AHNAK: variants seen among roughly 807,000 people sequenced by gnomAD.
The protein encoded by AHNAK is AHNAK nucleoprotein.
Under a neutral mutation model 37.8 loss-of-function variants are expected in AHNAK, and 23 were observed. The ratio of observed to expected loss-of-function variants is 0.61; its 90% CI spans 0.44 to 0.86. AHNAK has a LOEUF of 0.86. Ranked by LOEUF, AHNAK falls within the 40% of genes least tolerant of loss-of-function variation. The probability of loss-of-function intolerance (pLI) is 0.00; values close to 1 mark genes in which losing one functional copy is unlikely to be tolerated. For missense variants in AHNAK, 7,411 were observed against 7,319.4 expected, an observed-to-expected ratio of 1.01 and a Z score of -0.46; for synonymous variants, 2,481 against 2,636.3, an observed-to-expected ratio of 0.94 and a Z score of 1.80.
downstream of AHNAK, among the ~76,000 whole-genome samples, chr11:62,514,100 A>T (rs113980360): frequency 3.3e-5 from 5 of 152,268 alleles, no homozygotes; most frequent in African/African-American, 4.8e-5. Flanking sequence ...TTAAAAAAAA[A>T]TTTAATTGAT....
rs1333412886 is a variant in AHNAK at position 62,520,117 on chromosome 11, G to C, written c.14300C>G (p.Pro4767Arg). The C allele has an allele frequency of 8.1e-6, 13 of 1,612,812 alleles. No homozygotes were observed. Among genetic ancestry groups the C allele is most frequent in the Non-Finnish European group, 1.1e-5 (13 of 1,179,748 alleles). ...GTCTGGGCCATGAACATCCACATCA[G>C]GGGTGTTGATGTCCACTTTTGGGCC... ...IKGPKVDINT[P>R]DVDVHGPDWH... is the part of the protein sequence containing the mutation. The change falls in exon 5 of 5, where the codon CCT (proline) becomes CGT (arginine). Residue 4767 changes from proline (P) to arginine (R), a missense_variant. By Grantham distance (103) the Pro-to-Arg change is moderately radical. Coordinates refer to ENST00000378024, the MANE Select transcript of AHNAK (RefSeq NM_001620.3).
intron 5 of AHNAK, among the ~76,000 whole-genome samples, chr11:62,484,222 T>A (rs646585): frequency 0.19 from 28,467 of 150,392 alleles, 8,217 homozygotes; most frequent in African/African-American, 0.63. Flanking sequence ...ACAAAAAAAA[T>A]TTTTTTTTAA....
At chr11:62,476,758 C>T (rs557420846) in intron 5 of AHNAK, among the ~76,000 whole-genome samples, 56 of 152,214 alleles carry the variant, frequency 3.7e-4, no homozygotes, top group African/African-American at 1.0e-3. Flanking sequence ...TGTCGATGAC[C>T]GGTGGTTGGA....
At position 62,516,269 on chromosome 11, in the gene AHNAK, T is replaced by C; in HGVS notation, c.*475A>G. On this transcript the variant is annotated 3_prime_UTR_variant, in exon 5 of 5. Transcript: ENST00000378024. The stretch of plus-strand genomic sequence containing the variant: ...CTCTGGGCCATCTGTGGGCGTTTGC[T>C]GTTTGAACAGATCCAGTCTCAGGAA... The C allele has an allele frequency of 7.8e-7, 1 of 1,289,270 alleles. No individual in the cohort carries two copies. The highest frequency in any genetic ancestry group is 1.0e-6 in the Non-Finnish European group (1 of 988,750). The allele number at this position is 1,289,270 out of a possible 1,614,324, so 79.9% of individuals were successfully genotyped here.
chr11:62,470,030 G>A (rs1207292952), intron 5 of AHNAK, among the ~76,000 whole-genome samples: 1 of 152,172 alleles, frequency 6.6e-6, no homozygotes, highest in East Asian at 1.9e-4. Flanking sequence ...AGTTGGCCAC[G>A]TGCAGTGCTC....
rs375160170 is a variant in AHNAK at position 62,533,894 on chromosome 11, T to C, written c.523A>G (p.Ile175Val). 33 of 1,614,104 alleles carry C rather than the reference T, an allele frequency of 2.0e-5. No individual in the cohort carries two copies. The highest frequency in any genetic ancestry group is 2.6e-5 in the Non-Finnish European group (31 of 1,180,050). Reference protein sequence around the residue: ...TGREGAKDIDISSPEFKIKIP... With the variant: ...TGREGAKDIDVSSPEFKIKIP... ...TTGATCTTGAATTCAGGGCTACTGATGTCTATGTCCTTGGCTCCTTCCCGG... is the reference window on the plus strand; with the variant it reads ...TTGATCTTGAATTCAGGGCTACTGACGTCTATGTCCTTGGCTCCTTCCCGG... Residue 175 changes from isoleucine to valine, a missense_variant, in exon 5 of 5, where the codon ATC becomes GTC. Physicochemically the swap from Ile to Val is conservative, Grantham distance 29 (BLOSUM62 3). Transcript: ENST00000378024.
At chr11:62,511,545 C>T (rs1307838815), downstream of AHNAK, among the ~76,000 whole-genome samples, 2 of 152,092 alleles carry the variant, frequency 1.3e-5, no homozygotes, top group African/African-American at 4.8e-5. Flanking sequence ...CATGAGCCAC[C>T]GCGTCCGGCC....
At chr11:62,513,578 AC>A (rs1411335951), downstream of AHNAK, among the ~76,000 whole-genome samples, 1 of 151,350 alleles carries the variant, frequency 6.6e-6, no homozygotes, top group African/African-American at 2.4e-5. Context: ...AACTTGGACC[AC>A]CCCATCAGGA....
intron 5 of AHNAK, among the ~76,000 whole-genome samples, chr11:62,450,340 T>G (rs1345231351): frequency 1.3e-5 from 2 of 151,418 alleles, no homozygotes; most frequent in Non-Finnish European, 2.9e-5. Flanking sequence ...TTGTATTTGT[T>G]GTTGTTGTTG....
At chr11:62,457,542 A>G (rs1372777858) in intron 5 of AHNAK, among the ~76,000 whole-genome samples, 1 of 152,178 alleles carries the variant, frequency 6.6e-6, no homozygotes, top group African/African-American at 2.4e-5. Flanking sequence ...AGGCAGGGGA[A>G]TAGCTTGAAC....
Position 62,535,994 on chromosome 11 carries a change from C to A in AHNAK, c.105G>T (p.Gln35His). The part of the protein sequence containing the change: ...IAQRDDGVFV[Q>H]EVTQNSPAAR... ...CCGCAGGGGAGTTCTGCGTCACCTC[C>A]TGCACAAAGACGCCGTCGTCCCTCT... The change falls in exon 3 of 5, where the codon CAG becomes CAT. Residue 35 changes from glutamine to histidine, a missense_variant. By Grantham distance (24) the Gln-to-His change is conservative (BLOSUM62 0). Transcript: ENST00000378024. 1.2e-6 allele frequency: 2 copies of A among 1,613,170 alleles called. No homozygotes were observed. The highest frequency in any genetic ancestry group is 4.5e-5 in the East Asian group (2 of 44,776).
intron 5 of AHNAK, among the ~76,000 whole-genome samples, chr11:62,461,321 T>G (rs1938782696): frequency 6.7e-6 from 1 of 149,912 alleles, no homozygotes; most frequent in South Asian, 2.1e-4. Context: ...AATTTTTGTA[T>G]TTTTAGTACA....
rs1203144791 is a variant in AHNAK, at chr11:62,532,449, A to C, written c.1968T>G (p.Asp656Glu). 1.2e-6 allele frequency: 2 copies of C among 1,613,914 alleles called. No homozygotes were observed. The highest frequency in any genetic ancestry group is 1.7e-6 in the Non-Finnish European group (2 of 1,180,010). The change falls in exon 5 of 5, where the codon GAT becomes GAG. Residue 656 changes from aspartate (D) to glutamate (E), a missense_variant. By Grantham distance (45) the Asp-to-Glu change is conservative. Coordinates refer to ENST00000378024, the MANE Select transcript of AHNAK (RefSeq NM_001620.3). ...PDVHMTLPKG[D>E]ISISGPKVNV... ...TGACCTTGGGCCCTGAAATACTGATATCTCCTTTGGGTAGAGTCATATGAA... is the reference window on the plus strand; with the variant it reads ...TGACCTTGGGCCCTGAAATACTGATCTCTCCTTTGGGTAGAGTCATATGAA...
chr11:62,473,598 T>C (rs1366700800), intron 5 of AHNAK, among the ~76,000 whole-genome samples: 2 of 151,298 alleles, frequency 1.3e-5, no homozygotes, highest in African/African-American at 4.9e-5. Context: ...GACAGGAGAC[T>C]GGCGTGAACC....
intron 5 of AHNAK, among the ~76,000 whole-genome samples, chr11:62,434,390 T>G (rs973025054): frequency 1.3e-5 from 2 of 152,104 alleles, no homozygotes; most frequent in Admixed American, 1.3e-4. Flanking sequence ...TTCATGGCCC[T>G]TCACCTTCCC....
chr11:62,491,713 T>C, intron 5 of AHNAK: 5 of 1,592,646 alleles, frequency 3.1e-6, no homozygotes, highest in Non-Finnish European at 3.4e-6. Flanking sequence ...CGTCTTTCAG[T>C]CCCCATCACT....
At chr11:62,542,228 C>G (rs1254808203) in intron 1 of AHNAK, among the ~76,000 whole-genome samples, 3 of 152,106 alleles carry the variant, frequency 2.0e-5, no homozygotes, top group Non-Finnish European at 2.9e-5. Flanking sequence ...CCCCAGCCAG[C>G]CTTCACCGGC....
chr11:62,436,634 T>TTAA (rs376381943), intron 5 of AHNAK, among the ~76,000 whole-genome samples: 1 of 142,730 alleles, frequency 7.0e-6, no homozygotes. Context: ...TTCTTTTCAT[T>TTAA]AAAAAAAAAA....
intron 5 of AHNAK, among the ~76,000 whole-genome samples, chr11:62,444,332 C>A (rs904285703): frequency 1.3e-5 from 2 of 152,220 alleles, no homozygotes. Flanking sequence ...TGTGAGTGCC[C>A]GGCCTCTGCC....
Sources: gnomAD v4.1 joint callset for allele counts (sites outside exome capture counted in the v4.1 genomes callset) on GRCh38, gnomAD v4.1.1 for gene constraint, MANE v1.5 for transcripts, NCBI Gene and HGNC (gene_info 2026-07-23, HGNC 2026-07-21) for gene names.